CNTNAP5: variants seen among roughly 807,000 people sequenced by gnomAD.
CNTNAP5 encodes contactin-associated protein-like 5.
CNTNAP5 carries 72 observed loss-of-function variants against 150.2 expected under a neutral mutation model. That is an observed-to-expected ratio of 0.48 (90% CI 0.40 to 0.58). CNTNAP5 has a LOEUF of 0.58. Ranked by LOEUF, CNTNAP5 falls within the 20% of genes least tolerant of loss-of-function variation. The probability of loss-of-function intolerance (pLI) is 0.00; values close to 1 mark genes in which losing one functional copy is unlikely to be tolerated. For missense variants in CNTNAP5, 1,636 were observed against 1,626.2 expected (o/e 1.01, Z -0.10); for synonymous variants, 672 against 619.8 (o/e 1.08, Z -1.25).
chr2:124,373,107 T>C (rs1022994123), intron 3 of CNTNAP5, among the ~76,000 whole-genome samples: 6 of 152,130 alleles, frequency 3.9e-5, no homozygotes, highest in African/African-American at 1.4e-4. Context: ...ACCACTGTGA[T>C]AGAGGAGCAG....
At chr2:124,715,870 A>T (rs1041611442) in intron 13 of CNTNAP5, among the ~76,000 whole-genome samples, 24 of 152,182 alleles carry the variant, frequency 1.6e-4, no homozygotes, top group African/African-American at 5.5e-4. Flanking sequence ...ATAAGCAGAC[A>T]AATAAAATGA....
At chr2:124,326,922 T>C (rs1440227339) in intron 3 of CNTNAP5, among the ~76,000 whole-genome samples, 2 of 151,396 alleles carry the variant, frequency 1.3e-5, no homozygotes, top group Admixed American at 6.6e-5. Flanking sequence ...TGAGCCAAGA[T>C]TGAGATTGTA....
At chr2:124,496,079 C>T (rs1280044122) in intron 7 of CNTNAP5, among the ~76,000 whole-genome samples, 1 of 151,930 alleles carries the variant, frequency 6.6e-6, no homozygotes, top group Non-Finnish European at 1.5e-5. Flanking sequence ...TCACTGTATC[C>T]GTAGTCATGA....
intron 3 of CNTNAP5, among the ~76,000 whole-genome samples, chr2:124,408,917 T>A (rs2104766926): frequency 6.6e-6 from 1 of 152,138 alleles, no homozygotes; most frequent in Non-Finnish European, 1.5e-5. Flanking sequence ...AGAAGGAGGC[T>A]TCAGACGATC....
At chr2:124,385,630 T>C (rs1465112512) in intron 3 of CNTNAP5, among the ~76,000 whole-genome samples, 1 of 152,238 alleles carries the variant, frequency 6.6e-6, no homozygotes, top group African/African-American at 2.4e-5. Flanking sequence ...GATAAATGAA[T>C]CTGCTTTTAC....
At chr2:124,046,117 T>G (rs1450512232) in intron 1 of CNTNAP5, among the ~76,000 whole-genome samples, 1 of 152,096 alleles carries the variant, frequency 6.6e-6, no homozygotes, top group Non-Finnish European at 1.5e-5. Context: ...GCTGGAAATT[T>G]AACCTAAATG....
intron 21 of CNTNAP5, among the ~76,000 whole-genome samples, chr2:124,884,518 A>AGGAAGTGTCTGGAAT (rs1678038984): frequency 6.6e-6 from 1 of 152,062 alleles, no homozygotes; most frequent in African/African-American, 2.4e-5. Context: ...ATGTTTCAAA[A>AGGAAGTGTCTGGAAT]GGAAGTGTCT....
intron 5 of CNTNAP5, among the ~76,000 whole-genome samples, chr2:124,438,181 ACTT>A (rs1271753149): frequency 1.3e-5 from 2 of 152,144 alleles, no homozygotes; most frequent in Non-Finnish European, 2.9e-5. Context: ...CTCTTTGCCT[ACTT>A]TCTTAAAGTA....
Position 124,902,964 on chromosome 2 carries a change from C to T in CNTNAP5, c.3519C>T (p.His1173=). 6.2e-7 allele frequency: 1 copy of T among 1,613,158 alleles called. No homozygotes were observed. Among genetic ancestry groups the T allele is most frequent in the Non-Finnish European group, 8.5e-7 (1 of 1,179,478 alleles). The change falls in exon 22 of 24, where the codon CAC becomes CAT. Residue 1173 remains histidine (H), a synonymous_variant. Coordinates refer to ENST00000682447, the MANE Select transcript of CNTNAP5 (RefSeq NM_001367498.1). ...GCATGTCTTCCGTCCAGTACAACCA[C>T]ATAGCACCACTGAAGGCTGCCCTGC... ...AGCMSSVQYN[H]IAPLKAALRH... is the part of the protein sequence containing the mutation.
intron 12 of CNTNAP5, among the ~76,000 whole-genome samples, chr2:124,631,978 A>G (rs905402039): frequency 6.6e-6 from 1 of 152,160 alleles, no homozygotes; most frequent in African/African-American, 2.4e-5. Flanking sequence ...AACATCACTG[A>G]TCATTAGAGA....
intron 21 of CNTNAP5, among the ~76,000 whole-genome samples, chr2:124,900,101 G>A (rs763539288): frequency 2.0e-5 from 3 of 150,986 alleles, no homozygotes; most frequent in Non-Finnish European, 4.4e-5. Context: ...GAACTTCTTC[G>A]AGTCCTAGTT....
chr2:124,446,644 C>A, intron 5 of CNTNAP5, 109 bp from the exon 6 acceptor site: 1 of 1,033,370 alleles, frequency 9.7e-7, no homozygotes, highest in African/African-American at 1.6e-5. Context: ...AGGGAGACAT[C>A]ATTCTTTGCC....
At chr2:124,736,786 T>A (rs1167037966) in intron 13 of CNTNAP5, among the ~76,000 whole-genome samples, 1 of 152,158 alleles carries the variant, frequency 6.6e-6, no homozygotes, top group Non-Finnish European at 1.5e-5. Context: ...TAGAAAATCT[T>A]TCTGGGTTGT....
At chr2:124,282,804 C>T (rs1054077166) in intron 3 of CNTNAP5, among the ~76,000 whole-genome samples, 6 of 152,098 alleles carry the variant, frequency 3.9e-5, no homozygotes, top group African/African-American at 1.4e-4. Context: ...ATAGGTAGTA[C>T]AGAGGGTCTG....
intron 21 of CNTNAP5, among the ~76,000 whole-genome samples, chr2:124,894,743 G>A (rs879719323): frequency 2.0e-5 from 3 of 150,910 alleles, no homozygotes; most frequent in African/African-American, 4.9e-5. Context: ...TTATAGAGAC[G>A]AGTCTTGACA....
intron 8 of CNTNAP5, among the ~76,000 whole-genome samples, chr2:124,516,679 C>G (rs1694726398): frequency 6.6e-6 from 1 of 152,174 alleles, no homozygotes; most frequent in Admixed American, 6.5e-5. Context: ...AGGGTAGTCA[C>G]AGCTGACACT....
intron 13 of CNTNAP5, among the ~76,000 whole-genome samples, chr2:124,665,203 T>C (rs73953155): frequency 0.013 from 2,020 of 152,326 alleles, 44 homozygotes; most frequent in African/African-American, 0.045. Context: ...TTATCTTCTA[T>C]CTACTATAAA....
rs1220032083 is a variant in CNTNAP5 at position 124,140,927 on chromosome 2, T to C, written c.83-80778T>C. Reference sequence around the variant, plus strand: ...AAGAATGTATAACTAGAATAACCAATACAGAGAAGTGCTTAAAGGAGCTGA... The same window carrying C: ...AAGAATGTATAACTAGAATAACCAACACAGAGAAGTGCTTAAAGGAGCTGA... On this transcript the variant is annotated intron_variant, in intron 1 of 23. Coordinates refer to ENST00000682447, the MANE Select transcript of CNTNAP5 (RefSeq NM_001367498.1). Among the ~76,000 whole-genome samples, 4 of 56,382 alleles carry C rather than the reference T, an allele frequency of 7.1e-5. No individual in the cohort carries two copies. In the East Asian group the frequency reaches 1.4e-3, roughly 20 times the overall value. The allele number at this position is 56,382 out of a possible 152,430, so 37.0% of individuals were successfully genotyped here. A position where few individuals can be genotyped will look rare whatever the true frequency, so the allele number is the denominator to read the frequency against.
chr2:124,733,292 T>G (rs1490881820), intron 13 of CNTNAP5, among the ~76,000 whole-genome samples: 2 of 152,094 alleles, frequency 1.3e-5, no homozygotes, highest in Non-Finnish European at 2.9e-5. Flanking sequence ...TTAAGAGAAA[T>G]AGCCCGATAT....
Sources: gnomAD v4.1 joint callset for allele counts (sites outside exome capture counted in the v4.1 genomes callset) on GRCh38, gnomAD v4.1.1 for gene constraint, MANE v1.5 for transcripts, NCBI Gene and HGNC (gene_info 2026-07-23, HGNC 2026-07-21) for gene names.